Variants in BTBD9 observed in about 807,000 individuals in gnomAD.
BTBD9 encodes the protein BTB domain containing 9.
In BTBD9, 49 loss-of-function variants were observed where a neutral mutation model predicts 64.3. The observed-to-expected ratio is 0.76, with a 90% confidence interval of 0.61 to 0.97. The LOEUF (loss-of-function observed/expected upper bound fraction) is 0.97, where lower values mean the gene tolerates loss of function less well. BTBD9 is among the 50% of genes least tolerant of loss of function. BTBD9 has a pLI of 0.00. For missense variants in BTBD9, 598 were observed against 762.1 expected, an observed-to-expected ratio of 0.78 and a Z score of 2.53; for synonymous variants, 260 against 274.7, an observed-to-expected ratio of 0.95 and a Z score of 0.53.
intron 10 of BTBD9, among the ~76,000 whole-genome samples, chr6:38,176,948 C>T (rs10947714): frequency 3.3e-5 from 5 of 151,724 alleles, no homozygotes; most frequent in African/African-American, 1.2e-4. Context: ...TCCTCAACAC[C>T]CCCCCCACTA....
chr6:38,620,134 AG>A (rs1777934742), intron 1 of BTBD9, among the ~76,000 whole-genome samples: 1 of 152,214 alleles, frequency 6.6e-6, no homozygotes, highest in Non-Finnish European at 1.5e-5. Context: ...TAAAAGTTCA[AG>A]GGTTAGTAAG....
chr6:38,267,069 C>T (rs945812664), intron 8 of BTBD9, among the ~76,000 whole-genome samples: 33 of 152,194 alleles, frequency 2.2e-4, no homozygotes, highest in African/African-American at 7.2e-4. Flanking sequence ...TTTGGTTCAC[C>T]GGCAGGATCA....
chr6:38,200,782 A>G (rs1036763656), intron 9 of BTBD9, among the ~76,000 whole-genome samples: 1 of 152,194 alleles, frequency 6.6e-6, no homozygotes, highest in African/African-American at 2.4e-5. Context: ...AAAGTCTCCC[A>G]ACAAAGAAAA....
chr6:38,535,608 A>G (rs552210711), intron 6 of BTBD9, among the ~76,000 whole-genome samples: 1 of 152,272 alleles, frequency 6.6e-6, no homozygotes, highest in South Asian at 2.1e-4. Context: ...TTCAAATTAA[A>G]TGACAAAGCT....
intron 9 of BTBD9, among the ~76,000 whole-genome samples, chr6:38,230,495 C>CA (rs55927635): frequency 1.6e-4 from 10 of 63,442 alleles, no homozygotes; most frequent in East Asian, 6.3e-4. Flanking sequence ...AACTCCATCT[C>CA]AAAAAAAAAA....
At chr6:38,179,666 T>C (rs757579159) in intron 10 of BTBD9, 1 of 456,698 alleles carries the variant, frequency 2.2e-6, no homozygotes, top group Non-Finnish European at 4.4e-6. Context: ...AAATGGCGAG[T>C]GGCAGGCTGG....
intron 6 of BTBD9, among the ~76,000 whole-genome samples, chr6:38,551,738 G>C (rs1211885860): frequency 6.6e-6 from 1 of 152,196 alleles, no homozygotes; most frequent in Non-Finnish European, 1.5e-5. Context: ...TATAGACAAG[G>C]AGGAGCCACT....
chr6:38,242,161 T>C lies in BTBD9; in HGVS notation c.1562+14248A>G, dbSNP rs552184469. Among the ~76,000 whole-genome samples the C allele has an allele frequency of 9.1e-4, 138 of 152,300 alleles. 1 individual carries two copies. Among genetic ancestry groups the C allele is most frequent in the African/African-American group, 3.3e-3 (137 of 41,570 alleles). ...AAGGTGGATAGTTGACTTGTACCTT[T>C]ATGTGATTTTAAAATCTGAAGTTCA... On this transcript the variant is annotated intron_variant, in intron 9 of 10. Coordinates refer to ENST00000481247, the MANE Select transcript of BTBD9 (RefSeq NM_001099272.2).
At chr6:38,419,169 T>C (rs890498009) in intron 6 of BTBD9, among the ~76,000 whole-genome samples, 1 of 152,214 alleles carries the variant, frequency 6.6e-6, no homozygotes, top group Non-Finnish European at 1.5e-5. Flanking sequence ...CTATTAATAG[T>C]TTACTATTTT....
rs759646148 is a variant in BTBD9 at position 38,345,111 on chromosome 6, A to C, written c.1155-18T>G. On this transcript the variant is annotated intron_variant, in intron 6 of 10. Coordinates refer to ENST00000481247, the MANE Select transcript of BTBD9 (RefSeq NM_001099272.2). ...GAATATACCTGACGGTAAAAAGAAA[A>C]GAAAATGTGTTGAAAATGAGCTCCC... 1 of 1,540,502 alleles carries C rather than the reference A, an allele frequency of 6.5e-7. No homozygotes were observed. The highest frequency in any genetic ancestry group is 8.9e-7 in the Non-Finnish European group (1 of 1,120,602).
rs148804595 is a variant in BTBD9 at position 38,508,478 on chromosome 6, T to G, written c.1154+69122A>C. On this transcript the variant is annotated intron_variant, in intron 6 of 10. Coordinates refer to ENST00000481247, the MANE Select transcript of BTBD9 (RefSeq NM_001099272.2). The stretch of plus-strand genomic sequence containing the variant: ...CCACTTCTCTTCATTCCCCCGCCAC[T>G]GGCACTTCTTACCTAGACTTTTGCA... 7.2e-3 allele frequency among the ~76,000 whole-genome samples: 1,099 copies of G among 152,328 alleles called. 9 individuals are homozygous for G. Among genetic ancestry groups the G allele is most frequent in the Admixed American group, 9.6e-3 (147 of 15,302 alleles).
chr6:38,257,599 G>A (rs1764638105), intron 8 of BTBD9, among the ~76,000 whole-genome samples: 1 of 152,102 alleles, frequency 6.6e-6, no homozygotes, highest in African/African-American at 2.4e-5. Flanking sequence ...TTACATAGCT[G>A]TAGTAGGATT....
At chr6:38,465,707 TTATATA>T (rs1157324453) in intron 6 of BTBD9, among the ~76,000 whole-genome samples, 1,128 of 46,504 alleles carry the variant, frequency 0.024, 24 homozygotes, top group African/African-American at 0.058. Flanking sequence ...AATAAATAAA[TTATATA>T]TATATATATA....
intron 6 of BTBD9, among the ~76,000 whole-genome samples, chr6:38,431,743 C>T (rs1448624703): frequency 6.6e-6 from 1 of 152,004 alleles, no homozygotes; most frequent in Non-Finnish European, 1.5e-5. Context: ...AATAGTGTAC[C>T]TCCTTACTAG....
chr6:38,456,773 T>C (rs1183644321), intron 6 of BTBD9, among the ~76,000 whole-genome samples: 1 of 152,194 alleles, frequency 6.6e-6, no homozygotes, highest in Non-Finnish European at 1.5e-5. Flanking sequence ...GCGTCAAATA[T>C]CTGGTTTGCA....
At chr6:38,321,397 C>T (rs1385198720) in intron 7 of BTBD9, among the ~76,000 whole-genome samples, 3 of 152,074 alleles carry the variant, frequency 2.0e-5, no homozygotes, top group Admixed American at 6.5e-5. Flanking sequence ...AGGGTGTGCT[C>T]GTTGCCAAGT....
chr6:38,581,133 G>A (rs1189272745), intron 4 of BTBD9, among the ~76,000 whole-genome samples: 2 of 152,150 alleles, frequency 1.3e-5, no homozygotes, highest in East Asian at 1.9e-4. Context: ...CAGAGGATGC[G>A]ATGAGCTGAG....
At chr6:38,374,688 C>T (rs562555299) in intron 6 of BTBD9, among the ~76,000 whole-genome samples, 25 of 152,198 alleles carry the variant, frequency 1.6e-4, no homozygotes, top group African/African-American at 5.8e-4. Flanking sequence ...AGCTCTTGCA[C>T]ACACACAACA....
At chr6:38,374,779 G>A (rs1050545054) in intron 6 of BTBD9, among the ~76,000 whole-genome samples, 1 of 152,132 alleles carries the variant, frequency 6.6e-6, no homozygotes, top group African/African-American at 2.4e-5. Flanking sequence ...AGCACTGATA[G>A]ACCTATGGAT....
Sources: gnomAD v4.1 joint callset for allele counts (sites outside exome capture counted in the v4.1 genomes callset) on GRCh38, gnomAD v4.1.1 for gene constraint, MANE v1.5 for transcripts, NCBI Gene and HGNC (gene_info 2026-07-23, HGNC 2026-07-21) for gene names.